SRPRB: variants seen among roughly 807,000 people sequenced by gnomAD.
The protein encoded by SRPRB is SRP receptor subunit beta.
In SRPRB, 20 loss-of-function variants were observed where a neutral mutation model predicts 31.9. The observed-to-expected ratio is 0.63, with a 90% CI of 0.44 to 0.91. The LOEUF is 0.91. SRPRB is among the 40% of genes least tolerant of loss of function. The probability of loss-of-function intolerance (pLI) is 0.00; values close to 1 mark genes in which losing one functional copy is unlikely to be tolerated. For synonymous variants in SRPRB, 146 were observed against 132.8 expected (o/e 1.10, Z -0.68); for missense variants, 321 against 324.9 (o/e 0.99, Z 0.09).
chr3:133,806,965 T>C (rs1935174989), intron 2 of SRPRB, among the ~76,000 whole-genome samples: 1 of 152,156 alleles, frequency 6.6e-6, no homozygotes, highest in Non-Finnish European at 1.5e-5. Context: ...TTTATTTAAT[T>C]AGTTTCATTC....
chr3:133,814,197 T>G (rs1008998773), intron 4 of SRPRB, among the ~76,000 whole-genome samples: 1 of 151,360 alleles, frequency 6.6e-6, no homozygotes, highest in Non-Finnish European at 1.5e-5. Context: ...AGTGGCGCGA[T>G]CTTGGCTCGC....
upstream of SRPRB, among the ~76,000 whole-genome samples, chr3:133,802,026 T>G (rs1415800134): frequency 1.3e-5 from 2 of 152,312 alleles, no homozygotes; most frequent in East Asian, 3.9e-4. Context: ...TGCTCATTAC[T>G]ATATATCCTT....
chr3:133,812,182 A>C (rs1935274309), intron 4 of SRPRB, among the ~76,000 whole-genome samples: 1 of 152,204 alleles, frequency 6.6e-6, no homozygotes, highest in Non-Finnish European at 1.5e-5. Flanking sequence ...GCGGTCCCTA[A>C]AATAATGTCT....
At chr3:133,828,215 C>T, downstream of SRPRB, 1 of 561,498 alleles carries the variant, frequency 1.8e-6, no homozygotes, top group Non-Finnish European at 3.2e-6. Flanking sequence ...TCAGAGCTAC[C>T]TTTTCAGAGG....
intron 1 of SRPRB, 49 bp downstream of exon 1, chr3:133,806,051 G>A (rs1231457288): frequency 6.9e-6 from 11 of 1,589,874 alleles, no homozygotes; most frequent in African/African-American, 4.0e-5. Flanking sequence ...GCAGAGGTCC[G>A]GGCTTTGGCT....
downstream of SRPRB, chr3:133,825,169 A>ATCTCATCCTGACAT (rs1935538652): frequency 6.6e-6 from 1 of 152,156 alleles, no homozygotes; most frequent in Non-Finnish European, 1.5e-5. Context: ...ACCTGGTCCC[A>ATCTCATCCTGACAT]TCTCATCCTG....
At chr3:133,823,337 G>T (rs1935505127), downstream of SRPRB, among the ~76,000 whole-genome samples, 1 of 152,188 alleles carries the variant, frequency 6.6e-6, no homozygotes, top group African/African-American at 2.4e-5. Context: ...TCGGCTCACT[G>T]CAACCTCTGC....
At chr3:133,803,685 G>A (rs912273543), upstream of SRPRB, among the ~76,000 whole-genome samples, 5 of 150,612 alleles carry the variant, frequency 3.3e-5, no homozygotes, top group African/African-American at 1.2e-4. Flanking sequence ...TTTTTTTGGA[G>A]GCAGGGTCTT....
chr3:133,817,564 T>C (rs916048716), intron 6 of SRPRB, among the ~76,000 whole-genome samples: 3 of 152,202 alleles, frequency 2.0e-5, no homozygotes, highest in African/African-American at 7.2e-5. Context: ...GCATCTAGCA[T>C]GTCTTCTGCG....
chr3:133,827,746 A>ACACCCCCCCCCCCCCCCCC, downstream of SRPRB: 1 of 72,114 alleles, frequency 1.4e-5, no homozygotes, highest in Non-Finnish European at 2.7e-5. Flanking sequence ...TGCAGACAAC[A>ACACCCCCCCCCCCCCCCCC]CCCCCCCCCC....
chr3:133,813,553 T>G (rs1935311754), intron 4 of SRPRB, among the ~76,000 whole-genome samples: 1 of 152,234 alleles, frequency 6.6e-6, no homozygotes, highest in Non-Finnish European at 1.5e-5. Flanking sequence ...ACTTACCTTT[T>G]CAAACCAGCC....
chr3:133,808,149 A>G lies in SRPRB; in HGVS notation c.327+326A>G, dbSNP rs144304159. Among the ~76,000 whole-genome samples, 1,043 of 152,344 alleles carry G rather than the reference A, an allele frequency of 6.8e-3. 8 individuals are homozygous for G. The highest frequency in any genetic ancestry group is 0.011 in the Non-Finnish European group (716 of 68,028). On this transcript the variant is annotated intron_variant, in intron 3 of 6. Coordinates refer to ENST00000678299, the MANE Select transcript of SRPRB (RefSeq NM_001379313.1). Reference sequence around the variant, plus strand: ...CTTTTAAGTTTTGAATAGGTAATACATGCACATGGGACAAAAATTCAAAAG... The same window carrying G: ...CTTTTAAGTTTTGAATAGGTAATACGTGCACATGGGACAAAAATTCAAAAG...
At chr3:133,803,200 A>T (rs921369893), upstream of SRPRB, among the ~76,000 whole-genome samples, 21 of 151,964 alleles carry the variant, frequency 1.4e-4, no homozygotes, top group Non-Finnish European at 2.6e-4. Context: ...CTCTCAAGTC[A>T]TAGTCCTCCA....
intron 1 of SRPRB, chr3:133,790,956 G>A (rs895544737): frequency 1.3e-5 from 2 of 151,988 alleles, no homozygotes; most frequent in African/African-American, 4.8e-5. Context: ...AAAAATTTAG[G>A]GTTGGGTTCC....
chr3:133,785,083 GC>G (rs1934627749), intron 1 of SRPRB: 1 of 125,142 alleles, frequency 8.0e-6, no homozygotes, highest in Non-Finnish European at 1.8e-5. Context: ...GAAGTGAGGA[GC>G]CCCTCTGCCA....
chr3:133,805,799 A>G (rs1935139782), upstream of SRPRB: 1 of 1,533,080 alleles, frequency 6.5e-7, no homozygotes, highest in Non-Finnish European at 8.8e-7. Flanking sequence ...GCCTGCGCAG[A>G]GTGCAGGGCC....
Position 133,807,764 on chromosome 3 carries a change from A to G in SRPRB, c.268A>G (p.Arg90Gly), listed in dbSNP as rs1156656192. ...TTTACAGTTGTTAACAGGCCTTTAT[A>G]GAGACACTCAGACGTCCATTACTGA... ...LFVRLLTGLY[R>G]DTQTSITDSC... Residue 90 changes from arginine to glycine, a missense_variant, in exon 3 of 7, where the codon AGA becomes GGA. By Grantham distance (125) the Arg-to-Gly change is moderately radical. Coordinates refer to ENST00000678299, the MANE Select transcript of SRPRB (RefSeq NM_001379313.1). 2 of 1,612,812 alleles carry G rather than the reference A, an allele frequency of 1.2e-6. No homozygotes were observed. The highest frequency in any genetic ancestry group is 8.5e-7 in the Non-Finnish European group (1 of 1,179,640).
rs1471106208 is a variant in SRPRB at position 133,820,041 on chromosome 3, T to C, written c.*275T>C. ...GTAACTTGATGTAGGGTCAAGGTTT[T>C]TGTGACAACAGGCAGACTCCACACA... On this transcript the variant is annotated 3_prime_UTR_variant, in exon 7 of 7. Coordinates refer to ENST00000678299, the MANE Select transcript of SRPRB (RefSeq NM_001379313.1). The C allele has an allele frequency of 2.5e-6, 1 of 394,744 alleles. No homozygotes were observed. The highest frequency in any genetic ancestry group is 4.7e-6 in the Non-Finnish European group (1 of 213,806). 24.5% of individuals were successfully genotyped at this position (394,744 alleles called of 1,614,324 possible).
intron 1 of SRPRB, chr3:133,789,106 G>T (rs1266098215): frequency 6.6e-6 from 1 of 152,352 alleles, no homozygotes; most frequent in Non-Finnish European, 1.5e-5. Context: ...CCCAAAGGGG[G>T]ATTCCCCAGG....
Sources: allele counts gnomAD v4.1 joint callset (sites outside exome capture counted in the v4.1 genomes callset), GRCh38; gene constraint gnomAD v4.1.1; transcripts MANE v1.5; gene names NCBI Gene and HGNC (gene_info 2026-07-23, HGNC 2026-07-21).